The following TRDN variants were observed in gnomAD, a reference collection of about 807,000 sequenced individuals.
TRDN encodes triadin.
In TRDN, 161 loss-of-function variants were observed where a neutral mutation model predicts 149.7. That is an observed-to-expected ratio of 1.08 (90% CI 0.95 to 1.23). The LOEUF (loss-of-function observed/expected upper bound fraction) is 1.23. Among genes scored for constraint, TRDN ranks in the 50% most tolerant of loss-of-function variants. The probability of loss-of-function intolerance (pLI) is 0.00; values close to 1 mark genes in which losing one functional copy is unlikely to be tolerated. For missense variants in TRDN, 896 were observed against 823.5 expected, an observed-to-expected ratio of 1.09 and a Z score of -1.08; for synonymous variants, 294 against 250.5, an observed-to-expected ratio of 1.17 and a Z score of -1.64.
intron 24 of TRDN, among the ~76,000 whole-genome samples, chr6:123,282,352 A>G (rs1777614350): frequency 6.6e-6 from 1 of 151,986 alleles, no homozygotes; most frequent in African/African-American, 2.4e-5. Context: ...TCTGTTTTAT[A>G]CCAAATTTCT....
At chr6:123,428,783 C>T (rs17085362) in intron 12 of TRDN, among the ~76,000 whole-genome samples, 45,500 of 151,936 alleles carry the variant, frequency 0.3, 7,128 homozygotes, top group Admixed American at 0.35. Context: ...TTGATTTTTG[C>T]GTGAGGCCTT....
At chr6:123,254,253 C>T (rs1242799692) in intron 37 of TRDN, among the ~76,000 whole-genome samples, 2 of 151,888 alleles carry the variant, frequency 1.3e-5, no homozygotes, top group Non-Finnish European at 2.9e-5. Context: ...AATTGCCCTT[C>T]AATTGAAAGT....
At chr6:123,381,466 C>T in intron 15 of TRDN, 76 bp from the exon 16 acceptor site, 3 of 1,396,120 alleles carry the variant, frequency 2.1e-6, no homozygotes, top group Non-Finnish European at 2.9e-6. Flanking sequence ...ATTGATTAGA[C>T]TGTAATTTTT....
intron 9 of TRDN, among the ~76,000 whole-genome samples, chr6:123,476,723 T>C (rs1777496168): frequency 6.8e-6 from 1 of 146,816 alleles, no homozygotes; most frequent in Non-Finnish European, 1.5e-5. Context: ...TATAGATCAA[T>C]GGAACAGAAC....
chr6:123,599,936 A>G (rs763267477), intron 1 of TRDN, among the ~76,000 whole-genome samples: 2 of 151,572 alleles, frequency 1.3e-5, no homozygotes, highest in African/African-American at 2.4e-5. Flanking sequence ...TTTCCAGAAT[A>G]CCCTTTTTGC....
Position 123,549,370 on chromosome 6 carries a change from G to T in TRDN, c.233-758C>A, listed in dbSNP as rs182146671. On this transcript the variant is annotated intron_variant, in intron 2 of 40. Coordinates refer to ENST00000334268, the MANE Select transcript of TRDN (RefSeq NM_006073.4). Reference sequence around the variant, plus strand: ...ATCATATGAAAACTGCTCTGAAGAGGCAAGCATAGCCTTTAGGATGTGATT... The same window carrying T: ...ATCATATGAAAACTGCTCTGAAGAGTCAAGCATAGCCTTTAGGATGTGATT... 1.2e-4 allele frequency among the ~76,000 whole-genome samples: 19 copies of T among 152,096 alleles called. No individual in the cohort carries two copies. The East Asian group carries it at 3.7e-3, about 29-fold the overall frequency.
At chr6:123,287,129 T>C (rs922825526) in intron 24 of TRDN, among the ~76,000 whole-genome samples, 4 of 152,176 alleles carry the variant, frequency 2.6e-5, no homozygotes, top group African/African-American at 9.6e-5. Flanking sequence ...ATCTCACCAA[T>C]AAAATATAAA....
chr6:123,377,630 C>T (rs189532908), intron 18 of TRDN, 86 bp downstream of exon 18: 368 of 1,495,160 alleles, frequency 2.5e-4, no homozygotes, highest in African/African-American at 1.2e-3. Context: ...CCTTTACTGG[C>T]GCTGCCTTAC....
rs552052578 is a variant in TRDN at position 123,504,032 on chromosome 6, G to A, written c.611-131C>T. ...GGTAAGTCACAAGTGTTTATGTTAA[G>A]AACAGTATTTTTCAGGAAAACAATG... On this transcript the variant is annotated intron_variant, in intron 7 of 40. Transcript: ENST00000334268. The A allele has an allele frequency of 9.9e-5, 97 of 978,378 alleles. No individual in the cohort carries two copies. The African/African-American group carries it at 1.5e-3, about 15-fold the overall frequency. 60.6% of individuals were successfully genotyped at this position (978,378 alleles called of 1,614,324 possible). A position where few individuals can be genotyped will look rare whatever the true frequency, so the allele number is the denominator to read the frequency against.
At chr6:123,235,726 C>T (rs60392606) in intron 38 of TRDN, among the ~76,000 whole-genome samples, 8,210 of 152,076 alleles carry the variant, frequency 0.054, 657 homozygotes, top group African/African-American at 0.19. Context: ...AGTGACACTC[C>T]CCCTCTGTCC....
chr6:123,613,182 TG>T (rs1457207627), intron 1 of TRDN, among the ~76,000 whole-genome samples: 6 of 152,202 alleles, frequency 3.9e-5, no homozygotes, highest in African/African-American at 1.4e-4. Flanking sequence ...TCATATTGTG[TG>T]CCAACAGTAT....
chr6:123,349,102 GGAAA>G (rs1395334032), intron 21 of TRDN, among the ~76,000 whole-genome samples: 1 of 151,968 alleles, frequency 6.6e-6, no homozygotes, highest in Admixed American at 6.6e-5. Context: ...TAGTGTTAGT[GGAAA>G]GAAAGAGTTA....
At chr6:123,408,613 G>T (rs879778871) in intron 12 of TRDN, among the ~76,000 whole-genome samples, 4 of 151,628 alleles carry the variant, frequency 2.6e-5, no homozygotes, top group Non-Finnish European at 5.9e-5. Context: ...AGGACGCAGA[G>T]GTTGCAGTGA....
chr6:123,622,385 TA>T (rs1785443550), intron 1 of TRDN, among the ~76,000 whole-genome samples: 1 of 151,658 alleles, frequency 6.6e-6, no homozygotes, highest in South Asian at 2.1e-4. Flanking sequence ...AAATATGTGT[TA>T]ATCAACAATG....
chr6:123,557,880 CA>C (rs1465002846), intron 2 of TRDN, among the ~76,000 whole-genome samples: 37 of 151,826 alleles, frequency 2.4e-4, no homozygotes, highest in African/African-American at 8.2e-4. Context: ...GACAACCTTC[CA>C]CCCTCCATTC....
At chr6:123,353,439 C>G (rs145930045) in intron 20 of TRDN, among the ~76,000 whole-genome samples, 1 of 151,716 alleles carries the variant, frequency 6.6e-6, no homozygotes, top group Admixed American at 6.6e-5. Context: ...GATGAGATGC[C>G]GTGTAGCATA....
chr6:123,566,042 TA>T (rs1782278683), intron 2 of TRDN, among the ~76,000 whole-genome samples: 1 of 152,222 alleles, frequency 6.6e-6, no homozygotes, highest in South Asian at 2.1e-4. Flanking sequence ...ATAAACGATA[TA>T]ATAAACCCTT....
chr6:123,217,521 A>C lies in TRDN; in HGVS notation c.*1080T>G, dbSNP rs1775001983. 1 of 151,980 alleles carries C rather than the reference A, an allele frequency of 6.6e-6. No individual in the cohort carries two copies. Among genetic ancestry groups the C allele is most frequent in the African/African-American group, 2.4e-5 (1 of 41,418 alleles). The allele number at this position is 151,980 out of a possible 1,614,324, so 9.4% of individuals were successfully genotyped here. On this transcript the variant is annotated 3_prime_UTR_variant, in exon 41 of 41. Coordinates refer to ENST00000334268, the MANE Select transcript of TRDN (RefSeq NM_006073.4). ...TTATATTACCAGGAATATGACAAAA[A>C]CATAACAGTCATTCCCAGGGATGCA... is the stretch of plus-strand genomic sequence containing the variant.
chr6:123,222,261 G>A (rs936278603), intron 39 of TRDN, among the ~76,000 whole-genome samples: 3 of 151,362 alleles, frequency 2.0e-5, no homozygotes, highest in Non-Finnish European at 3.0e-5. Flanking sequence ...TAGGTTTACA[G>A]ATCTTATCAA....
Sources: allele counts gnomAD v4.1 joint callset (sites outside exome capture counted in the v4.1 genomes callset), GRCh38; gene constraint gnomAD v4.1.1; transcripts MANE v1.5; gene names NCBI Gene and HGNC (gene_info 2026-07-23, HGNC 2026-07-21).